The following DZANK1 variants were observed in gnomAD, a reference collection of about 807,000 sequenced individuals.
DZANK1 encodes double zinc ribbon and ankyrin repeat-containing protein 1.
A neutral mutation model predicts 94.5 loss-of-function variants in DZANK1; 91 were observed. The observed-to-expected ratio is 0.96, with a 90% CI of 0.81 to 1.15. DZANK1 has a LOEUF of 1.15. DZANK1 is among the 50% of genes most tolerant of loss of function. DZANK1 has a pLI of 0.00. For missense variants in DZANK1, 903 were observed against 916.4 expected (o/e 0.99, Z 0.19); for synonymous variants, 312 against 325.3 (o/e 0.96, Z 0.44).
intron 13 of DZANK1, among the ~76,000 whole-genome samples, chr20:18,409,205 GT>G (rs2057109984): frequency 6.6e-6 from 1 of 151,880 alleles, no homozygotes. Flanking sequence ...AGCTCAACAA[GT>G]TTCAAGTAGG....
intron 13 of DZANK1, among the ~76,000 whole-genome samples, chr20:18,407,762 T>C (rs1273998699): frequency 6.6e-6 from 1 of 151,822 alleles, no homozygotes; most frequent in Admixed American, 6.6e-5. Context: ...AATTCTAGAG[T>C]TGGAAAATAG....
intron 12 of DZANK1, 139 bp downstream of exon 12, chr20:18,414,209 A>T: frequency 1.0e-6 from 1 of 964,450 alleles, no homozygotes; most frequent in Non-Finnish European, 1.5e-6. Context: ...GCATTTATTT[A>T]CACACCTAGT....
chr20:18,406,645 A>C (rs1203938859), intron 13 of DZANK1, among the ~76,000 whole-genome samples: 1 of 152,254 alleles, frequency 6.6e-6, no homozygotes, highest in Non-Finnish European at 1.5e-5. Context: ...TGCAAGACTC[A>C]TTCTGTTTGA....
chr20:18,453,693 A>G lies in DZANK1; in HGVS notation c.475+38T>C, dbSNP rs2059185205. ...TGCCATGAACCTCTTCGGTGGGTTCAGAATACAAAACCTTGTCTTTGTTCT... is the reference window on the plus strand; with the variant it reads ...TGCCATGAACCTCTTCGGTGGGTTCGGAATACAAAACCTTGTCTTTGTTCT... On this transcript the variant is annotated intron_variant, in intron 5 of 20. Transcript: ENST00000262547. 6 of 1,466,844 alleles carry G rather than the reference A, an allele frequency of 4.1e-6. No individual in the cohort carries two copies. In the East Asian group the frequency reaches 1.4e-4, roughly 33 times the overall value. 90.9% of individuals were successfully genotyped at this position (1,466,844 alleles called of 1,614,324 possible).
chr20:18,452,368 C>G (rs1328801124), intron 6 of DZANK1, among the ~76,000 whole-genome samples: 1 of 152,192 alleles, frequency 6.6e-6, no homozygotes, highest in Non-Finnish European at 1.5e-5. Flanking sequence ...TTATCTTCTT[C>G]ATGACGCTTA....
intron 13 of DZANK1, among the ~76,000 whole-genome samples, chr20:18,404,269 G>A (rs1378517655): frequency 6.6e-6 from 1 of 152,042 alleles, no homozygotes; most frequent in Non-Finnish European, 1.5e-5. Flanking sequence ...AAACCAGTCC[G>A]TGAAGCAATT....
intron 10 of DZANK1, among the ~76,000 whole-genome samples, chr20:18,417,430 G>C (rs895700135): frequency 3.3e-5 from 5 of 152,160 alleles, no homozygotes; most frequent in Non-Finnish European, 7.4e-5. Flanking sequence ...AATTCCAGAA[G>C]TTCCACTGTT....
intron 15 of DZANK1, 98 bp from the exon 16 acceptor site, chr20:18,394,448 A>T: frequency 8.6e-7 from 1 of 1,167,780 alleles, no homozygotes; most frequent in Non-Finnish European, 1.2e-6. Context: ...CTTATTAAGT[A>T]CAGCTCTACC....
intron 13 of DZANK1, among the ~76,000 whole-genome samples, chr20:18,407,991 GA>G (rs2057044017): frequency 1.3e-5 from 2 of 152,208 alleles, no homozygotes; most frequent in Non-Finnish European, 2.9e-5. Context: ...AGGAGGTAGA[GA>G]AAGAAATAGG....
At chr20:18,387,127 T>C (rs1240579718) in intron 19 of DZANK1, among the ~76,000 whole-genome samples, 1 of 152,196 alleles carries the variant, frequency 6.6e-6, no homozygotes, top group Non-Finnish European at 1.5e-5. Context: ...TCCTTGGGCC[T>C]TTATAAAGCA....
At chr20:18,463,357 C>CA (rs1468045715) in intron 2 of DZANK1, among the ~76,000 whole-genome samples, 27 of 152,054 alleles carry the variant, frequency 1.8e-4, no homozygotes, top group Middle Eastern at 3.2e-3. Flanking sequence ...TGGGGACTAC[C>CA]AGAGGGTGGG....
chr20:18,455,553 A>T (rs1017074927), intron 3 of DZANK1, among the ~76,000 whole-genome samples, 192 bp from the exon 4 acceptor site: 3 of 152,214 alleles, frequency 2.0e-5, no homozygotes, highest in African/African-American at 7.2e-5. Context: ...ACTGCTATGT[A>T]ACAAACCACC....
chr20:18,427,958 G>C (rs1366342964), intron 9 of DZANK1, among the ~76,000 whole-genome samples: 2 of 151,876 alleles, frequency 1.3e-5, no homozygotes, highest in Admixed American at 6.5e-5. Flanking sequence ...AGACCATCCT[G>C]GCTAACACGG....
exon 19 of DZANK1, chr20:18,389,775 A>G (rs1329458332): frequency 6.2e-7 from 1 of 1,613,894 alleles, no homozygotes; most frequent in Non-Finnish European, 8.5e-7. Flanking sequence ...TATTCATAAC[A>G]GCCACGGTTA....
At chr20:18,450,184 C>T (rs2059050172) in intron 6 of DZANK1, among the ~76,000 whole-genome samples, 2 of 152,184 alleles carry the variant, frequency 1.3e-5, no homozygotes, top group South Asian at 4.1e-4. Flanking sequence ...AAGGTCTGAA[C>T]TTAGGACTAC....
chr20:18,389,923 G>C (rs550512804), intron 18 of DZANK1, 95 bp from the exon 19 acceptor site: 22 of 1,538,296 alleles, frequency 1.4e-5, no homozygotes, highest in Middle Eastern at 2.0e-4. Context: ...GTCCTTTACA[G>C]AGCTGATGCA....
chr20:18,384,591 TGCAC>T, intron 20 of DZANK1, 27 bp from the exon 21 acceptor site: 1 of 1,564,212 alleles, frequency 6.4e-7, no homozygotes, highest in East Asian at 2.3e-5. Context: ...GAAACGGAGG[TGCAC>T]TGAAGGACTT....
At chr20:18,448,956 G>C (rs2058991665) in intron 7 of DZANK1, 28 bp downstream of exon 7, 1 of 1,561,354 alleles carries the variant, frequency 6.4e-7, no homozygotes, top group Non-Finnish European at 8.8e-7. Context: ...TAGGATTTAA[G>C]GCAGAGTAAA....
chr20:18,384,250 G>C, exon 21 of DZANK1: 1 of 704,378 alleles, frequency 1.4e-6, no homozygotes, highest in African/African-American at 1.8e-5. Context: ...GTAGAGACGG[G>C]GTTTCTCCAT....
Sources: allele counts gnomAD v4.1 joint callset (sites outside exome capture counted in the v4.1 genomes callset), GRCh38; gene constraint gnomAD v4.1.1; transcripts MANE v1.5; gene names NCBI Gene and HGNC (gene_info 2026-07-23, HGNC 2026-07-21).